Variants in RPGR observed in about 807,000 individuals in gnomAD.
RPGR encodes retinitis pigmentosa GTPase regulator.
A neutral mutation model predicts 56.3 loss-of-function variants in RPGR; 10 were observed. The ratio of observed to expected loss-of-function variants is 0.18; its 90% CI spans 0.11 to 0.30. The LOEUF is 0.30. Among genes scored for constraint, RPGR ranks in the 10% least tolerant of loss-of-function variants. The probability of loss-of-function intolerance (pLI) is 1.00; values close to 1 mark genes in which losing one functional copy is unlikely to be tolerated. For missense variants in RPGR, 538 were observed against 590.9 expected (o/e 0.91, Z 0.93); for synonymous variants, 197 against 212.9 (o/e 0.93, Z 0.65).
intron 11 of RPGR, among the ~76,000 whole-genome samples, chrX:38,291,816 T>A (rs1409361103): frequency 8.9e-6 from 1 of 112,314 alleles, no homozygotes; most frequent in African/African-American, 3.2e-5. Flanking sequence ...ACCTACAACG[T>A]CCTGGTGTTC....
rs2067409455 is a variant in RPGR at position 38,297,435 on chromosome X, A to T, written c.1263T>A (p.Ser421=). Residue 421 remains serine (S), a synonymous_variant, in exon 11 of 19, where the codon TCT becomes TCA. Coordinates refer to ENST00000642395, the MANE Select transcript of RPGR (RefSeq NM_000328.3). ...GAGGTAGTGTTCTCCTCATTGAAAA[A>T]GAATCTGGAGACCTCTCCTTTAAAA... 1 of 1,204,069 alleles carries T rather than the reference A, an allele frequency of 8.3e-7. No homozygotes were observed. The highest frequency in any genetic ancestry group is 1.8e-5 in the African/African-American group (1 of 56,673).
chrX:38,286,087 T>TCTCCTTCCTCCCCTTCCCCTC (rs1304097214), intron 15 of RPGR: 1 of 397,597 alleles, frequency 2.5e-6, no homozygotes, highest in East Asian at 1.0e-4. Context: ...CCCTTCCCCT[T>TCTCCTTCCTCCCCTTCCCCTC]CTCCTTCCTC....
intron 2 of RPGR, 59 bp from the exon 3 acceptor site, chrX:38,323,004 G>A: frequency 5.8e-6 from 5 of 856,309 alleles, no homozygotes; most frequent in Non-Finnish European, 8.7e-6. Context: ...TGTAAGATGA[G>A]GTCACCACAA....
intron 11 of RPGR, among the ~76,000 whole-genome samples, chrX:38,295,172 T>C (rs2067352636): frequency 8.9e-6 from 1 of 112,067 alleles, no homozygotes; most frequent in Admixed American, 9.5e-5. Flanking sequence ...GCCCCACTGG[T>C]TGTCCTTTTC....
chrX:38,301,142 T>C, intron 9 of RPGR, 105 bp downstream of exon 9: 1 of 687,000 alleles, frequency 1.5e-6, no homozygotes, highest in South Asian at 2.8e-5. Context: ...GATATATATA[T>C]GATACTCTTC....
Position 38,269,557 on chromosome X carries a change from CATAAGTT to C in RPGR, c.*62_*68del, listed in dbSNP as rs11279874. 6,492 of 814,350 alleles carry C rather than the reference CATAAGTT, an allele frequency of 8.0e-3. 257 individuals are homozygous for C. The African/African-American group carries it at 0.11, about 14-fold the overall frequency. The allele number at this position is 814,350 out of a possible 1,213,427, so 67.1% of individuals were successfully genotyped here. A position where few individuals can be genotyped will look rare whatever the true frequency, so the allele number is the denominator to read the frequency against. On this transcript the variant is annotated 3_prime_UTR_variant, in exon 19 of 19. Transcript: ENST00000642395. ...AAGACTACTATCAGAAACTTTACTTCATAAGTTATAACATTTTTCAAGTATACATTAC... is the reference window on the plus strand; with the variant it reads ...AAGACTACTATCAGAAACTTTACTTCATAACATTTTTCAAGTATACATTAC...
chrX:38,312,224 C>G (rs1298822392), intron 6 of RPGR, among the ~76,000 whole-genome samples: 1 of 111,808 alleles, frequency 8.9e-6, no homozygotes, highest in Admixed American at 9.5e-5. Context: ...TTAGCAAACA[C>G]TGGCACAAAA....
chrX:38,324,623 G>C (rs901377590), intron 1 of RPGR, among the ~76,000 whole-genome samples: 9 of 108,664 alleles, frequency 8.3e-5, no homozygotes, highest in African/African-American at 3.0e-4. Flanking sequence ...CCAGAGCCTA[G>C]CATCCTCAAA....
intron 1 of RPGR, among the ~76,000 whole-genome samples, 165 bp downstream of exon 1, chrX:38,327,175 G>A (rs1361793933): frequency 8.8e-6 from 1 of 113,133 alleles, no homozygotes; most frequent in Non-Finnish European, 1.9e-5. Flanking sequence ...CTTCCCGTCC[G>A]GTCCTCTGCC....
chrX:38,283,675 G>A (rs1022291040), intron 15 of RPGR, among the ~76,000 whole-genome samples: 4 of 111,722 alleles, frequency 3.6e-5, no homozygotes, highest in Non-Finnish European at 7.5e-5. Context: ...ATTTAAACGT[G>A]GACATATAGA....
At chrX:38,285,191 T>G in intron 15 of RPGR, 1 of 831,494 alleles carries the variant, frequency 1.2e-6, no homozygotes, top group Non-Finnish European at 1.4e-6. Context: ...AAAAATGGAA[T>G]GATTTGTATA....
Position 38,273,478 on chromosome X carries a change from C to T in RPGR, c.2150-1G>A. On this transcript the variant is annotated splice_acceptor_variant, in intron 17 of 18. Coordinates refer to ENST00000642395, the MANE Select transcript of RPGR (RefSeq NM_000328.3). LOFTEE classifies it high-confidence loss of function. ...CTATCTGCATCATCAAGCATGTATCCTACAATTGGATCATTCAGAAATACT... is the reference window on the plus strand; with the variant it reads ...CTATCTGCATCATCAAGCATGTATCTTACAATTGGATCATTCAGAAATACT... 8.5e-7 allele frequency: 1 copy of T among 1,181,436 alleles called. No individual in the cohort carries two copies. The highest frequency in any genetic ancestry group is 1.1e-6 in the Non-Finnish European group (1 of 871,168).
chrX:38,287,334 T>C (rs769015941), intron 14 of RPGR, 89 bp from the exon 15 acceptor site: 4 of 1,167,613 alleles, frequency 3.4e-6, no homozygotes, highest in Non-Finnish European at 4.6e-6. Context: ...GTTCAATCAA[T>C]TTCCTGCCAT....
intron 1 of RPGR, among the ~76,000 whole-genome samples, chrX:38,324,665 T>C (rs1344290587): frequency 9.3e-6 from 1 of 107,996 alleles, no homozygotes; most frequent in Non-Finnish European, 1.9e-5. Context: ...CTGTAAACTC[T>C]TCCTCTACCA....
chrX:38,318,793 G>A (rs371841178), intron 5 of RPGR, 36 bp downstream of exon 5: 16 of 1,203,521 alleles, frequency 1.3e-5, no homozygotes, highest in Non-Finnish European at 1.8e-5. Context: ...TACAGGAAAG[G>A]AATGTGTCCC....
chrX:38,275,761 G>T (rs925096747), intron 16 of RPGR, among the ~76,000 whole-genome samples: 1 of 109,628 alleles, frequency 9.1e-6, no homozygotes, highest in Non-Finnish European at 1.9e-5. Context: ...AAGGGGAATG[G>T]AGCTAAAAGA....
Position 38,291,545 on chromosome X carries a change from G to C in RPGR, c.1415-61C>G, listed in dbSNP as rs1014499752. 5 of 643,151 alleles carry C rather than the reference G, an allele frequency of 7.8e-6. No individual in the cohort carries two copies. The African/African-American group carries it at 1.1e-4, about 14-fold the overall frequency. 53.0% of individuals were successfully genotyped at this position (643,151 alleles called of 1,213,427 possible). ...TCAACAGAAAAGTGAAAGGCAACTG[G>C]ACAGAAAACAGAAATTATTCTATAA... On this transcript the variant is annotated intron_variant, in intron 11 of 18. Coordinates refer to ENST00000642395, the MANE Select transcript of RPGR (RefSeq NM_000328.3).
rs186593520 is a variant in RPGR at position 38,271,389 on chromosome X, A to C, written c.2242-1557T>G. Among the ~76,000 whole-genome samples, 64 of 112,161 alleles carry C rather than the reference A, an allele frequency of 5.7e-4. 1 individual carries two copies. In the South Asian group the frequency reaches 0.013, roughly 23 times the overall value. The stretch of plus-strand genomic sequence containing the variant: ...TTTATAATGTGCAGGTAATCTCCCC[A>C]AAAACTAAGGGAAATCCTTGTAGAC... On this transcript the variant is annotated intron_variant, in intron 18 of 18. Transcript: ENST00000642395.
intron 5 of RPGR, 47 bp downstream of exon 5, chrX:38,318,782 C>T (rs768712242): frequency 5.2e-5 from 62 of 1,191,364 alleles, no homozygotes; most frequent in Non-Finnish European, 6.8e-5. Flanking sequence ...ATATATTGAT[C>T]TACAGGAAAG....
Sources: allele counts gnomAD v4.1 joint callset (sites outside exome capture counted in the v4.1 genomes callset), GRCh38; gene constraint gnomAD v4.1.1; transcripts MANE v1.5; gene names NCBI Gene and HGNC (gene_info 2026-07-23, HGNC 2026-07-21).